FBXL7: variants seen among roughly 807,000 people sequenced by gnomAD.
FBXL7 encodes F-box/LRR-repeat protein 7.
Under a neutral mutation model 38.3 loss-of-function variants are expected in FBXL7, and 12 were observed. The observed-to-expected ratio is 0.31, with a 90% confidence interval of 0.20 to 0.51. The LOEUF (loss-of-function observed/expected upper bound fraction) is 0.51. Ranked by LOEUF, FBXL7 falls within the 20% of genes least tolerant of loss-of-function variation. The pLI, the probability that FBXL7 is intolerant of heterozygous loss-of-function variation, is 0.98. For missense variants in FBXL7, 567 were observed against 676.4 expected, an observed-to-expected ratio of 0.84 and a Z score of 1.79; for synonymous variants, 297 against 300.9, an observed-to-expected ratio of 0.99 and a Z score of 0.13.
chr5:15,831,117 G>A (rs1210020567), intron 2 of FBXL7, among the ~76,000 whole-genome samples: 5 of 152,190 alleles, frequency 3.3e-5, no homozygotes, highest in Non-Finnish European at 5.9e-5. Flanking sequence ...AACTGCTGCT[G>A]CTATCATTGT....
intron 2 of FBXL7, among the ~76,000 whole-genome samples, chr5:15,712,634 T>C (rs921151213): frequency 2.6e-5 from 4 of 151,996 alleles, no homozygotes; most frequent in African/African-American, 9.7e-5. Flanking sequence ...AGAAAATTTC[T>C]ATGGAGCCTA....
intron 1 of FBXL7, 146 bp from the exon 2 acceptor site, chr5:15,615,836 CA>C (rs769118008): frequency 4.9e-4 from 247 of 505,058 alleles, no homozygotes; most frequent in South Asian, 1.1e-3. Flanking sequence ...ATGCATAAGG[CA>C]AAAAAAAACT....
chr5:15,602,350 T>G (rs768988841), intron 1 of FBXL7: 16 of 150,258 alleles, frequency 1.1e-4, no homozygotes, highest in South Asian at 2.3e-4. Context: ...TGGCACAGAG[T>G]TGAATGGTGC....
At chr5:15,799,855 G>C (rs1737515306) in intron 2 of FBXL7, among the ~76,000 whole-genome samples, 3 of 152,164 alleles carry the variant, frequency 2.0e-5, no homozygotes, top group Admixed American at 2.0e-4. Flanking sequence ...AAGTTGACCA[G>C]TTCCAACCAG....
chr5:15,691,508 C>T (rs891535334), intron 2 of FBXL7, among the ~76,000 whole-genome samples: 1 of 152,172 alleles, frequency 6.6e-6, no homozygotes, highest in Admixed American at 6.5e-5. Context: ...CAGTTGTTTT[C>T]TCTGATGGGT....
chr5:15,898,847 T>C (rs1447756605), intron 2 of FBXL7, among the ~76,000 whole-genome samples: 3 of 152,216 alleles, frequency 2.0e-5, no homozygotes, highest in African/African-American at 7.2e-5. Context: ...GGGATGTCAC[T>C]TCATTGCTCC....
rs1359930120 is a variant in FBXL7, at chr5:15,568,423, C to T, written c.38-47560C>T. 2.0e-5 allele frequency among the ~76,000 whole-genome samples: 3 copies of T among 152,032 alleles called. No individual in the cohort carries two copies. The East Asian group carries it at 5.8e-4, about 29-fold the overall frequency. ...AGAAGTGTCTGTTCATATCCTTTGC[C>T]CACTTTTTGATGGGGTTTTTTTTTC... On this transcript the variant is annotated intron_variant, in intron 1 of 3. Coordinates refer to ENST00000504595, the MANE Select transcript of FBXL7 (RefSeq NM_012304.5).
In FBXL7 at chr5:15,774,355, G is replaced by A. The variant is rs181405314; in HGVS notation, c.128-153535G>A. Among the ~76,000 whole-genome samples, 1,206 of 152,230 alleles carry A rather than the reference G, an allele frequency of 7.9e-3. 6 individuals carry two copies. Among genetic ancestry groups the A allele is most frequent in the Middle Eastern group, 0.024 (7 of 294 alleles). ...TGATCTACACGTTCCATTTTACCAG[G>A]GGAAGAAGCATATTCCCAAGTTTCA... is the stretch of plus-strand genomic sequence containing the variant. On this transcript the variant is annotated intron_variant, in intron 2 of 3. Coordinates refer to ENST00000504595, the MANE Select transcript of FBXL7 (RefSeq NM_012304.5).
At chr5:15,865,033 T>C (rs1739645330) in intron 2 of FBXL7, among the ~76,000 whole-genome samples, 1 of 152,210 alleles carries the variant, frequency 6.6e-6, no homozygotes, top group South Asian at 2.1e-4. Flanking sequence ...CTGGCAGTGC[T>C]GCTTTCATTT....
chr5:15,927,648 G>A (rs1741911357), intron 2 of FBXL7, among the ~76,000 whole-genome samples: 1 of 151,496 alleles, frequency 6.6e-6, no homozygotes, highest in Admixed American at 6.6e-5. Flanking sequence ...GGTGGCGCAT[G>A]CCTGTAATTC....
chr5:15,677,402 G>A (rs1199282932), intron 2 of FBXL7, among the ~76,000 whole-genome samples: 2 of 151,910 alleles, frequency 1.3e-5, no homozygotes, highest in Non-Finnish European at 2.9e-5. Context: ...AGGAAGTGGA[G>A]GTTGCAGTAA....
chr5:15,621,482 T>C (rs1235502221), intron 2 of FBXL7, among the ~76,000 whole-genome samples: 1 of 152,210 alleles, frequency 6.6e-6, no homozygotes, highest in Admixed American at 6.5e-5. Flanking sequence ...CCTTCAGTTA[T>C]GAAAGTCACA....
intron 2 of FBXL7, among the ~76,000 whole-genome samples, chr5:15,878,728 G>A (rs559235032): frequency 6.6e-6 from 1 of 152,266 alleles, no homozygotes; most frequent in South Asian, 2.1e-4. Flanking sequence ...TAGAGAAAAT[G>A]GAGACGCAGC....
At chr5:15,821,288 G>T (rs929454032) in intron 2 of FBXL7, among the ~76,000 whole-genome samples, 3 of 151,658 alleles carry the variant, frequency 2.0e-5, no homozygotes, top group Non-Finnish European at 4.4e-5. Context: ...ATTTTTTTAG[G>T]TTATTAGCAT....
At chr5:15,856,086 C>T (rs562501764) in intron 2 of FBXL7, among the ~76,000 whole-genome samples, 3 of 152,236 alleles carry the variant, frequency 2.0e-5, no homozygotes, top group African/African-American at 4.8e-5. Context: ...TTTCATTGGA[C>T]ATATACTTCC....
At chr5:15,802,516 G>C (rs1737597165) in intron 2 of FBXL7, among the ~76,000 whole-genome samples, 2 of 151,994 alleles carry the variant, frequency 1.3e-5, no homozygotes, top group African/African-American at 4.8e-5. Flanking sequence ...CAGTGGCACT[G>C]GCTCTTTTTT....
intron 2 of FBXL7, among the ~76,000 whole-genome samples, chr5:15,866,226 T>A (rs1239881289): frequency 6.6e-6 from 1 of 152,252 alleles, no homozygotes; most frequent in Non-Finnish European, 1.5e-5. Flanking sequence ...GTTCTACATG[T>A]TATTTGTCAC....
intron 2 of FBXL7, among the ~76,000 whole-genome samples, chr5:15,640,805 A>G (rs532068095): frequency 6.6e-6 from 1 of 152,300 alleles, no homozygotes; most frequent in South Asian, 2.1e-4. Flanking sequence ...ATTACAGGTG[A>G]TAGCCACCGT....
At chr5:15,841,568 T>G (rs1484697940) in intron 2 of FBXL7, among the ~76,000 whole-genome samples, 1 of 152,174 alleles carries the variant, frequency 6.6e-6, no homozygotes, top group Admixed American at 6.5e-5. Context: ...TCCTGAAATA[T>G]GTCCCAACAT....
Sources: gnomAD v4.1 joint callset for allele counts (sites outside exome capture counted in the v4.1 genomes callset) on GRCh38, gnomAD v4.1.1 for gene constraint, MANE v1.5 for transcripts, NCBI Gene and HGNC (gene_info 2026-07-23, HGNC 2026-07-21) for gene names.